F10: variants seen among roughly 807,000 people sequenced by gnomAD.
F10 encodes the protein coagulation factor X.
In F10, 29 loss-of-function variants were observed where a neutral mutation model predicts 37.1. The ratio of observed to expected loss-of-function variants is 0.78; its 90% CI spans 0.58 to 1.07. F10 has a LOEUF of 1.07. Among genes scored for constraint, F10 ranks in the 50% least tolerant of loss-of-function variants. The pLI is 0.00. For synonymous variants in F10, 262 were observed against 268.6 expected, an observed-to-expected ratio of 0.98 and a Z score of 0.24; for missense variants, 539 against 667.9, an observed-to-expected ratio of 0.81 and a Z score of 2.13.
chr13:113,137,104 G>T (rs2036486475), intron 2 of F10, among the ~76,000 whole-genome samples: 2 of 152,178 alleles, frequency 1.3e-5, no homozygotes, highest in Admixed American at 1.3e-4. Flanking sequence ...ATTCTTAATT[G>T]CCAAAAGCTG....
intron 1 of F10, chr13:113,128,620 G>A (rs3212999): frequency 1.3e-5 from 2 of 152,390 alleles, no homozygotes; most frequent in Admixed American, 6.5e-5. Flanking sequence ...AGCACTTTGG[G>A]AGGCTGAGGC....
rs760628663 is a variant in F10, at chr13:113,146,400, G to A, written c.748-979G>A. ...AGGAGCTGGACTTGGAGCTGCAGGC[G>A]GGGTTTTGGAGGGGTTCCTGGGCTG... On this transcript the variant is annotated intron_variant, in intron 6 of 7. Coordinates refer to ENST00000375559, the MANE Select transcript of F10 (RefSeq NM_000504.4). The surrounding 1 kb of genome is among the most constrained non-coding windows in gnomAD (Gnocchi z 4.5). Among the ~76,000 whole-genome samples the A allele has an allele frequency of 6.6e-5, 10 of 152,178 alleles. No homozygotes were observed. The highest frequency in any genetic ancestry group is 1.9e-4 in the African/African-American group (8 of 41,442).
intron 6 of F10, 95 bp from the exon 7 acceptor site, chr13:113,147,284 G>A (rs2036590835): frequency 6.1e-6 from 5 of 818,576 alleles, no homozygotes; most frequent in Non-Finnish European, 1.1e-5. Flanking sequence ...TTGGCATGGG[G>A]AGGGCCGGGC....
chr13:113,137,717 T>C (rs2036492048), intron 2 of F10, among the ~76,000 whole-genome samples: 1 of 152,188 alleles, frequency 6.6e-6, no homozygotes, highest in Non-Finnish European at 1.5e-5. Context: ...ATGGGCATCC[T>C]TGGGCTGCGG....
At chr13:113,130,413 A>T (rs1395504983) in intron 2 of F10, 1 of 152,926 alleles carries the variant, frequency 6.5e-6, no homozygotes, top group East Asian at 1.9e-4. Flanking sequence ...GGCATCAGGA[A>T]AGGTGCCTGC....
At position 113,146,730 on chromosome 13, in the gene F10, C is replaced by G. The variant is rs3211795; in HGVS notation, c.748-649C>G. On this transcript the variant is annotated intron_variant, in intron 6 of 7. Coordinates refer to ENST00000375559, the MANE Select transcript of F10 (RefSeq NM_000504.4). This position sits in a 1 kb window ranked among gnomAD's most constrained non-coding sequence, Gnocchi z 4.5. ...TTCATTGGTCTGTACATGTGCCCAG[C>G]CACTATCACAGGACGGGAAACTCCC... Among the ~76,000 whole-genome samples the G allele has an allele frequency of 6.6e-6, 1 of 152,196 alleles. No individual in the cohort carries two copies. The highest frequency in any genetic ancestry group is 1.5e-5 in the Non-Finnish European group (1 of 68,034).
At chr13:113,127,595 G>A (rs2036382227) in intron 1 of F10, among the ~76,000 whole-genome samples, 3 of 152,226 alleles carry the variant, frequency 2.0e-5, no homozygotes, top group Admixed American at 2.0e-4. Flanking sequence ...CGGATCCAGG[G>A]CATTTTAACC....
Position 113,149,271 on chromosome 13 carries a change from C to T in F10, c.1221C>T (p.Tyr407=), listed in dbSNP as rs759587061. Residue 407 remains tyrosine (Y), a synonymous_variant, in exon 8 of 8, where the codon TAC becomes TAT. Transcript: ENST00000375559. This position sits in a 1 kb window ranked among gnomAD's most constrained non-coding sequence, Gnocchi z 7.5. ...CCCAGAACATGTTCTGTGCCGGCTA[C>T]GACACCAAGCAGGAGGATGCCTGCC... ...IITQNMFCAG[Y]DTKQEDACQG... 4.3e-6 allele frequency: 7 copies of T among 1,613,194 alleles called. No homozygotes were observed. The highest frequency in any genetic ancestry group is 2.2e-5 in the East Asian group (1 of 44,882).
intron 2 of F10, among the ~76,000 whole-genome samples, chr13:113,132,342 A>C (rs2036442313): frequency 6.6e-6 from 1 of 152,200 alleles, no homozygotes; most frequent in Admixed American, 6.5e-5. Flanking sequence ...ACTCTTCTTT[A>C]CTTATATATA....
intron 2 of F10, chr13:113,130,911 G>A (rs1480135538): frequency 6.6e-6 from 1 of 152,256 alleles, no homozygotes; most frequent in Non-Finnish European, 1.5e-5. Flanking sequence ...ACCAAGAAGG[G>A]CGAGCGCAGC....
rs1566922784 is a variant in F10 at position 113,149,278 on chromosome 13, A to T, written c.1228A>T (p.Lys410Ter). Residue 410 changes from lysine (K) to a stop codon, truncating the protein, a stop_gained, in exon 8 of 8, where the codon AAG (lysine) becomes TAG (stop). Transcript: ENST00000375559. LOFTEE classifies it low-confidence loss of function (END_TRUNC). The surrounding 1 kb of genome is among the most constrained non-coding windows in gnomAD (Gnocchi z 7.5). ...CATGTTCTGTGCCGGCTACGACACC[A>T]AGCAGGAGGATGCCTGCCAGGGGGA... ...QNMFCAGYDT[K>*]QEDACQGDSG... 1 of 1,613,108 alleles carries T rather than the reference A, an allele frequency of 6.2e-7. No individual in the cohort carries two copies. Among genetic ancestry groups the T allele is most frequent in the Admixed American group, 1.7e-5 (1 of 60,028 alleles).
At chr13:113,131,616 A>G (rs956558905) in intron 2 of F10, 1 of 152,268 alleles carries the variant, frequency 6.6e-6, no homozygotes, top group Non-Finnish European at 1.5e-5. Flanking sequence ...CTCAGAACAT[A>G]TTCAGGCGCC....
chr13:113,130,098 C>A, intron 2 of F10: 1 of 249,540 alleles, frequency 4.0e-6, no homozygotes, highest in South Asian at 4.7e-5. Context: ...ACTGCTCCTG[C>A]ACAGCAGAAG....
chr13:113,138,484 C>A lies in F10; in HGVS notation c.256+3C>A. The A allele has an allele frequency of 7.2e-7, 1 of 1,391,890 alleles. No homozygotes were observed. The highest frequency in any genetic ancestry group is 1.2e-5 in the South Asian group (1 of 84,354). 86.2% of individuals were successfully genotyped at this position (1,391,890 alleles called of 1,614,324 possible). Reference sequence around the variant, plus strand: ...TGAATTCTGGAATAAATACAAAGGTCAGTATTTTTTCTGTTTTAACCTTCA... The same window carrying A: ...TGAATTCTGGAATAAATACAAAGGTAAGTATTTTTTCTGTTTTAACCTTCA... On this transcript the variant is annotated splice_donor_region_variant and intron_variant, in intron 3 of 7. Coordinates refer to ENST00000375559, the MANE Select transcript of F10 (RefSeq NM_000504.4).
intron 6 of F10, 53 bp from the exon 7 acceptor site, chr13:113,147,326 G>T: frequency 1.6e-6 from 2 of 1,270,606 alleles, no homozygotes; most frequent in East Asian, 2.3e-5. Flanking sequence ...TTCTCAGTCA[G>T]GCAACACCTG....
In F10 at chr13:113,143,159, TC is replaced by T. The variant is rs557789374; in HGVS notation, c.503-686del. 7.1e-6 allele frequency among the ~76,000 whole-genome samples: 1 copy of T among 140,522 alleles called. No homozygotes were observed. Among genetic ancestry groups the T allele is most frequent in the East Asian group, 2.3e-4 (1 of 4,264 alleles). 92.2% of individuals were successfully genotyped at this position (140,522 alleles called of 152,430 possible). A position where few individuals can be genotyped will look rare whatever the true frequency, so the allele number is the denominator to read the frequency against. ...CACAGAGAAGCCCCTTGCCATCCAT[TC>T]CCCCCTCCTCTCCTCTCCTGCTCCC... On this transcript the variant is annotated intron_variant, in intron 5 of 7. Coordinates refer to ENST00000375559, the MANE Select transcript of F10 (RefSeq NM_000504.4). The surrounding 1 kb of genome is among the most constrained non-coding windows in gnomAD (Gnocchi z 6.8).
At position 113,143,701 on chromosome 13, in the gene F10, G is replaced by GGT; in HGVS notation, c.503-150_503-149insGT. 5 of 1,157,476 alleles carry GGT rather than the reference G, an allele frequency of 4.3e-6. No individual in the cohort carries two copies. In the Admixed American group the frequency reaches 7.3e-5, roughly 17 times the overall value. The allele number at this position is 1,157,476 out of a possible 1,614,324, so 71.7% of individuals were successfully genotyped here. ...TGCAGATCCGACCCCTGCCGACGAC[G>GGT]TGGGGCCTCGCCCTGCAAGCCCGCT... On this transcript the variant is annotated intron_variant, in intron 5 of 7. Coordinates refer to ENST00000375559, the MANE Select transcript of F10 (RefSeq NM_000504.4). This position sits in a 1 kb window ranked among gnomAD's most constrained non-coding sequence, Gnocchi z 6.8.
intron 7 of F10, among the ~76,000 whole-genome samples, chr13:113,148,347 T>TAA (rs2036602672): frequency 1.1e-5 from 1 of 89,780 alleles, no homozygotes; most frequent in East Asian, 5.0e-4. Flanking sequence ...AAAAAAAAAA[T>TAA]ATATATATAT....
rs190643332 is a variant in F10 at position 113,134,798 on chromosome 13, G to T, written c.232-3659G>T. 1.9e-3 allele frequency among the ~76,000 whole-genome samples: 287 copies of T among 152,256 alleles called. 3 individuals are homozygous for T. Among genetic ancestry groups the T allele is most frequent in the Non-Finnish European group, 3.0e-3 (207 of 68,018 alleles). On this transcript the variant is annotated intron_variant, in intron 2 of 7. Coordinates refer to ENST00000375559, the MANE Select transcript of F10 (RefSeq NM_000504.4). ...AAATGCCATTTACAATTGCTTCAAAGAAAATTATATACTTATATGTAAAGC... is the reference window on the plus strand; with the variant it reads ...AAATGCCATTTACAATTGCTTCAAATAAAATTATATACTTATATGTAAAGC...
Sources: allele counts gnomAD v4.1 joint callset (sites outside exome capture counted in the v4.1 genomes callset), GRCh38; gene constraint gnomAD v4.1.1; non-coding constraint Gnocchi (gnomAD v3.1); transcripts MANE v1.5; gene names NCBI Gene and HGNC (gene_info 2026-07-23, HGNC 2026-07-21).